Variants in PCDHGA9 observed in about 807,000 individuals in gnomAD.
PCDHGA9 encodes the protein protocadherin gamma subfamily A, 9, also known as protocadherin gamma-A9.
PCDHGA9 carries 37 observed loss-of-function variants against 62.5 expected under a neutral mutation model. That is an observed-to-expected ratio of 0.59 (90% CI 0.46 to 0.78). The LOEUF (loss-of-function observed/expected upper bound fraction) is 0.78. Among genes scored for constraint, PCDHGA9 ranks in the 30% least tolerant of loss-of-function variants. The pLI, the probability that PCDHGA9 is intolerant of heterozygous loss-of-function variation, is 0.00. For missense variants in PCDHGA9, 1,138 were observed against 1,166.2 expected, an observed-to-expected ratio of 0.98 and a Z score of 0.35; for synonymous variants, 459 against 484.6, an observed-to-expected ratio of 0.95 and a Z score of 0.69.
In PCDHGA9 at chr5:141,432,513, G is replaced by T. The variant is rs755227021; in HGVS notation, c.2424+27137G>T. On this transcript the variant is annotated intron_variant, in intron 1 of 3. Coordinates refer to ENST00000573521, the MANE Select transcript of PCDHGA9 (RefSeq NM_018921.3). The surrounding 1 kb of genome is among the most constrained non-coding windows in gnomAD (Gnocchi z 6.0). ...CTGGCTCCCCGCTCCGCAGAGCCCG[G>T]CTACCTGGTGACCAAGGTGGTGGCG... The T allele has an allele frequency of 3.1e-6, 5 of 1,614,102 alleles. No individual in the cohort carries two copies. Among genetic ancestry groups the T allele is most frequent in the African/African-American group, 2.7e-5 (2 of 75,062 alleles).
chr5:141,482,661 T>G (rs1215403061), intron 1 of PCDHGA9, among the ~76,000 whole-genome samples: 1 of 151,742 alleles, frequency 6.6e-6, no homozygotes, highest in Non-Finnish European at 1.5e-5. Flanking sequence ...TGAGCTATGA[T>G]CTAAAGGTTG....
Position 141,404,784 on chromosome 5 carries a change from C to T in PCDHGA9, c.1832C>T (p.Ala611Val), listed in dbSNP as rs780341962. Residue 611 changes from alanine to valine, a missense_variant, in exon 1 of 4, where the codon GCC (alanine) becomes GTC (valine). Coordinates refer to ENST00000573521, the MANE Select transcript of PCDHGA9 (RefSeq NM_018921.3). ...TGGCTCTCCTACCGCCTATTCAAGGCCAGTGAGCCAGGGCTCTTCTCGGTG... is the reference window on the plus strand; with the variant it reads ...TGGCTCTCCTACCGCCTATTCAAGGTCAGTGAGCCAGGGCTCTTCTCGGTG... ...NAWLSYRLFKASEPGLFSVGL... is the reference protein window; with the variant it reads ...NAWLSYRLFKVSEPGLFSVGL... 1.2e-6 allele frequency: 2 copies of T among 1,613,832 alleles called. No individual in the cohort carries two copies. Among genetic ancestry groups the T allele is most frequent in the Non-Finnish European group, 1.7e-6 (2 of 1,179,986 alleles).
rs188874944 is a variant in PCDHGA9, at chr5:141,446,708, C to T, written c.2424+41332C>T. Among the ~76,000 whole-genome samples, 183 of 152,314 alleles carry T rather than the reference C, an allele frequency of 1.2e-3. 1 individual carries two copies. The highest frequency in any genetic ancestry group is 2.1e-3 in the Admixed American group (32 of 15,302). On this transcript the variant is annotated intron_variant, in intron 1 of 3. Coordinates refer to ENST00000573521, the MANE Select transcript of PCDHGA9 (RefSeq NM_018921.3). ...GGCCAGGCTGGTCTCGAACTCTGAT[C>T]TGCCCGCCTCGGCCTCCCAAAGTGT...
chr5:141,403,621 C>T lies in PCDHGA9; in HGVS notation c.669C>T (p.Ser223=). Residue 223 remains serine, a synonymous_variant, in exon 1 of 4, where the codon TCC becomes TCT. Coordinates refer to ENST00000573521, the MANE Select transcript of PCDHGA9 (RefSeq NM_018921.3). The stretch of plus-strand genomic sequence containing the variant: ...CGGATGGCGGCGAGCCGCGTCGCTC[C>T]AGCACAGTGCGCATCCATGTGACAG... ...TASDGGEPRR[S]STVRIHVTVL... 6.2e-7 allele frequency: 1 copy of T among 1,613,926 alleles called. No individual in the cohort carries two copies. Among genetic ancestry groups the T allele is most frequent in the Non-Finnish European group, 8.5e-7 (1 of 1,179,900 alleles).
rs371350905 is a variant in PCDHGA9 at position 141,476,860 on chromosome 5, G to A, written c.2425-17947G>A. The A allele has an allele frequency of 6.7e-5, 108 of 1,613,762 alleles. No individual in the cohort carries two copies. The highest frequency in any genetic ancestry group is 1.6e-4 in the East Asian group (7 of 44,884). ...ATGCGCCTGTCTTCAACCAGTCCTT[G>A]TACCGGGCGCGCGTCCTGGAGGATG... is the stretch of plus-strand genomic sequence containing the variant. On this transcript the variant is annotated intron_variant, in intron 1 of 3. Transcript: ENST00000573521. This position sits in a 1 kb window ranked among gnomAD's most constrained non-coding sequence, Gnocchi z 7.6.
intron 1 of PCDHGA9, among the ~76,000 whole-genome samples, chr5:141,463,572 C>T (rs1462125489): frequency 6.6e-6 from 1 of 151,572 alleles, no homozygotes; most frequent in African/African-American, 2.4e-5. Context: ...CCTCAGCCTC[C>T]CGAGTAGCTG....
intron 1 of PCDHGA9, chr5:141,440,868 T>G (rs1288344051): frequency 3.9e-5 from 6 of 152,150 alleles, no homozygotes; most frequent in Non-Finnish European, 1.5e-5. Context: ...ATCTAGGATG[T>G]GTACAGCGTC....
At position 141,485,880 on chromosome 5, in the gene PCDHGA9, A is replaced by G; in HGVS notation, c.2425-8927A>G. 1 of 1,614,124 alleles carries G rather than the reference A, an allele frequency of 6.2e-7. No individual in the cohort carries two copies. Among genetic ancestry groups the G allele is most frequent in the Non-Finnish European group, 8.5e-7 (1 of 1,180,026 alleles). On this transcript the variant is annotated intron_variant, in intron 1 of 3. Transcript: ENST00000573521. The surrounding 1 kb of genome is among the most constrained non-coding windows in gnomAD (Gnocchi z 5.7). ...CTCCGGGTATCCGTGCTGGACGTAA[A>G]CGACAACGCCCCAGCCTTCCAGCAA... is the stretch of plus-strand genomic sequence containing the variant.
intron 1 of PCDHGA9, among the ~76,000 whole-genome samples, chr5:141,482,771 A>ACCTAAAATCTCAAACAC (rs1168136626): frequency 4.9e-5 from 7 of 141,414 alleles, no homozygotes; most frequent in African/African-American, 8.5e-5. Flanking sequence ...ATTATCACTG[A>ACCTAAAATCTCAAACAC]ACCTTAAACT....
At chr5:141,446,049 G>T (rs1043671484) in intron 1 of PCDHGA9, among the ~76,000 whole-genome samples, 1 of 152,100 alleles carries the variant, frequency 6.6e-6, no homozygotes, top group African/African-American at 2.4e-5. Context: ...AAGAAGAGCT[G>T]GCTTGGATTA....
At chr5:141,482,840 G>A (rs1343123459) in intron 1 of PCDHGA9, among the ~76,000 whole-genome samples, 2 of 152,212 alleles carry the variant, frequency 1.3e-5, no homozygotes, top group Admixed American at 6.5e-5. Context: ...GGGAGGCCAA[G>A]GTGGGCAGAT....
chr5:141,486,816 C>G lies in PCDHGA9; in HGVS notation c.2425-7991C>G. The G allele has an allele frequency of 6.2e-7, 1 of 1,614,252 alleles. No individual in the cohort carries two copies. Among genetic ancestry groups the G allele is most frequent in the East Asian group, 2.2e-5 (1 of 44,884 alleles). ...CGGGGCAACCCACCCCTTAGCAGCACTGTAACAGTTCGTCTATTTGTGCTG... is the reference window on the plus strand; with the variant it reads ...CGGGGCAACCCACCCCTTAGCAGCAGTGTAACAGTTCGTCTATTTGTGCTG... On this transcript the variant is annotated intron_variant, in intron 1 of 3. Coordinates refer to ENST00000573521, the MANE Select transcript of PCDHGA9 (RefSeq NM_018921.3). The surrounding 1 kb of genome is among the most constrained non-coding windows in gnomAD (Gnocchi z 5.0).
chr5:141,411,806 C>G (rs1276116820), intron 1 of PCDHGA9: 1 of 151,860 alleles, frequency 6.6e-6, no homozygotes, highest in Non-Finnish European at 1.5e-5. Flanking sequence ...CGCTTGAGCC[C>G]AGGAAGTCTA....
chr5:141,471,204 C>T (rs1349368582), intron 1 of PCDHGA9: 2 of 151,866 alleles, frequency 1.3e-5, no homozygotes, highest in African/African-American at 4.8e-5. Flanking sequence ...CACCCACCCC[C>T]ATGCCTGGCA....
rs781173890 is a variant in PCDHGA9, at chr5:141,476,165, G to T, written c.2425-18642G>T. 5.3e-5 allele frequency: 86 copies of T among 1,613,106 alleles called. No individual in the cohort carries two copies. Among genetic ancestry groups the T allele is most frequent in the Non-Finnish European group, 7.2e-5 (85 of 1,179,976 alleles). On this transcript the variant is annotated intron_variant, in intron 1 of 3. Transcript: ENST00000573521. The surrounding 1 kb of genome is among the most constrained non-coding windows in gnomAD (Gnocchi z 7.6). ...CGGACTGGTAAGCACCGGGAGGGTA[G>T]TGGGAGTTTTGCTTCTGCTTGGTGC...
chr5:141,442,894 C>T (rs1173211061), intron 1 of PCDHGA9, among the ~76,000 whole-genome samples: 1 of 152,204 alleles, frequency 6.6e-6, no homozygotes, highest in Non-Finnish European at 1.5e-5. Flanking sequence ...CCCTGCTTAT[C>T]ACTTCTCCTT....
At position 141,432,204 on chromosome 5, in the gene PCDHGA9, A is replaced by G. The variant is rs1204867610; in HGVS notation, c.2424+26828A>G. On this transcript the variant is annotated intron_variant, in intron 1 of 3. Coordinates refer to ENST00000573521, the MANE Select transcript of PCDHGA9 (RefSeq NM_018921.3). This position sits in a 1 kb window ranked among gnomAD's most constrained non-coding sequence, Gnocchi z 6.0. ...GTGACCGCCCACGACCCCGACTGTG[A>G]AGAGAACGCCCAGATCACTTATTCC... 1.9e-6 allele frequency: 3 copies of G among 1,614,070 alleles called. No homozygotes were observed. Among genetic ancestry groups the G allele is most frequent in the African/African-American group, 2.7e-5 (2 of 74,928 alleles).
rs201857404 is a variant in PCDHGA9, at chr5:141,485,844, G to C, written c.2425-8963G>C. The C allele has an allele frequency of 1.1e-5, 18 of 1,613,772 alleles. No homozygotes were observed. The highest frequency in any genetic ancestry group is 1.4e-5 in the Non-Finnish European group (16 of 1,179,956). ...GATGGAGGGAACCCGCCGAGATCTG[G>C]CACCGCAGAGCTCCGGGTATCCGTG... is the stretch of plus-strand genomic sequence containing the variant. On this transcript the variant is annotated intron_variant, in intron 1 of 3. Transcript: ENST00000573521. This position sits in a 1 kb window ranked among gnomAD's most constrained non-coding sequence, Gnocchi z 5.7.
intron 1 of PCDHGA9, chr5:141,427,531 A>C: frequency 1.6e-6 from 1 of 620,632 alleles, no homozygotes. Flanking sequence ...ATCCCGGAGT[A>C]CAACGTCACC....
Sources: gnomAD v4.1 joint callset for allele counts (sites outside exome capture counted in the v4.1 genomes callset) on GRCh38, gnomAD v4.1.1 for gene constraint, Gnocchi (gnomAD v3.1) non-coding constraint, MANE v1.5 for transcripts, NCBI Gene and HGNC (gene_info 2026-07-23, HGNC 2026-07-21) for gene names.